The following ZHX2 variants were observed in gnomAD, a reference collection of about 807,000 sequenced individuals.
ZHX2 encodes zinc fingers and homeoboxes 2, also known as zinc fingers and homeoboxes protein 2.
Under a neutral mutation model 21.9 loss-of-function variants are expected in ZHX2, and 6 were observed. That is an observed-to-expected ratio of 0.27 (90% confidence interval 0.15 to 0.54). The LOEUF is 0.54. Among genes scored for constraint, ZHX2 ranks in the 20% least tolerant of loss-of-function variants. The probability of loss-of-function intolerance (pLI) is 0.95; values close to 1 mark genes in which losing one functional copy is unlikely to be tolerated. For synonymous variants in ZHX2, 434 were observed against 437.1 expected (o/e 0.99, Z 0.09); for missense variants, 908 against 1,090.7 (o/e 0.83, Z 2.36).
intron 3 of ZHX2, among the ~76,000 whole-genome samples, chr8:122,972,014 G>A (rs1266767485): frequency 2.0e-5 from 3 of 152,196 alleles, no homozygotes; most frequent in Non-Finnish European, 2.9e-5. Context: ...AGCTTCTGGT[G>A]TCTGCCGACA....
At chr8:122,893,815 T>C (rs963499606) in intron 2 of ZHX2, among the ~76,000 whole-genome samples, 7 of 152,270 alleles carry the variant, frequency 4.6e-5, no homozygotes, top group African/African-American at 1.7e-4. Context: ...AGACATTTTG[T>C]AGATTTCCTC....
intron 1 of ZHX2, among the ~76,000 whole-genome samples, chr8:122,854,030 C>T (rs1441229700): frequency 8.5e-5 from 13 of 152,212 alleles, no homozygotes; most frequent in Admixed American, 5.9e-4. Flanking sequence ...TACCTCTCTA[C>T]ATAGTCAGTG....
At chr8:122,790,365 T>A (rs1225641642) in intron 1 of ZHX2, among the ~76,000 whole-genome samples, 1 of 152,160 alleles carries the variant, frequency 6.6e-6, no homozygotes, top group Non-Finnish European at 1.5e-5. Flanking sequence ...GCTAGCCAGC[T>A]CATCACAGCA....
At chr8:122,881,263 G>A (rs573484096) in intron 2 of ZHX2, among the ~76,000 whole-genome samples, 2 of 152,304 alleles carry the variant, frequency 1.3e-5, no homozygotes, top group South Asian at 4.1e-4. Flanking sequence ...TAGTGAAGAT[G>A]AGAGTCTGTA....
intron 2 of ZHX2, among the ~76,000 whole-genome samples, chr8:122,929,164 A>C (rs1031095342): frequency 6.6e-6 from 1 of 152,128 alleles, no homozygotes; most frequent in African/African-American, 2.4e-5. Flanking sequence ...CGTTTTTCTA[A>C]CACCACCCGT....
intron 1 of ZHX2, among the ~76,000 whole-genome samples, chr8:122,802,652 C>G (rs993821707): frequency 6.6e-6 from 1 of 152,180 alleles, no homozygotes; most frequent in Non-Finnish European, 1.5e-5. Flanking sequence ...GATACCAAGG[C>G]AGTGGGTCTG....
chr8:122,848,228 G>A (rs117858880), intron 1 of ZHX2, among the ~76,000 whole-genome samples: 10 of 152,186 alleles, frequency 6.6e-5, no homozygotes, highest in East Asian at 3.9e-4. Flanking sequence ...GTGTGTGTGC[G>A]CCTGAAAGAG....
In ZHX2 at chr8:122,857,978, T is replaced by C. The variant is rs551230263; in HGVS notation, c.-282-5499T>C. On this transcript the variant is annotated intron_variant, in intron 1 of 3. Coordinates refer to ENST00000314393, the MANE Select transcript of ZHX2 (RefSeq NM_014943.5). ...TTTATTCCATATGACCAGCATTTTC[T>C]GCCCTTCTGAGTGAAAGGCTACTGT... 4.6e-5 allele frequency among the ~76,000 whole-genome samples: 7 copies of C among 152,392 alleles called. No homozygotes were observed. In the East Asian group the frequency reaches 1.3e-3, roughly 29 times the overall value.
At chr8:122,897,020 A>G (rs1370931118) in intron 2 of ZHX2, among the ~76,000 whole-genome samples, 3 of 152,210 alleles carry the variant, frequency 2.0e-5, no homozygotes, top group Non-Finnish European at 1.5e-5. Flanking sequence ...TACCTAGGGT[A>G]TGGGAATGCA....
chr8:122,947,572 C>T (rs114716798), intron 2 of ZHX2, among the ~76,000 whole-genome samples: 401 of 152,310 alleles, frequency 2.6e-3, no homozygotes, highest in African/African-American at 9.3e-3. Context: ...AACCACAAAA[C>T]ATCGAAGTAT....
At chr8:122,859,827 G>T (rs1292131611) in intron 1 of ZHX2, among the ~76,000 whole-genome samples, 1 of 152,074 alleles carries the variant, frequency 6.6e-6, no homozygotes. Context: ...ATTTATTTAT[G>T]TCTATCTGGT....
intron 1 of ZHX2, among the ~76,000 whole-genome samples, chr8:122,819,048 C>T (rs184844920): frequency 9.9e-5 from 15 of 152,156 alleles, no homozygotes; most frequent in African/African-American, 2.2e-4. Context: ...GAGAAGAGAA[C>T]GAAGAGAGAA....
intron 2 of ZHX2, among the ~76,000 whole-genome samples, chr8:122,899,937 A>G (rs1820188756): frequency 1.3e-5 from 2 of 152,068 alleles, no homozygotes; most frequent in Admixed American, 6.6e-5. Context: ...CCCAGTTAAA[A>G]CTCACATTAT....
intron 1 of ZHX2, among the ~76,000 whole-genome samples, chr8:122,802,988 G>A (rs989833210): frequency 1.3e-5 from 2 of 149,490 alleles, no homozygotes; most frequent in African/African-American, 4.9e-5. Flanking sequence ...AGCGCTCTAG[G>A]GGACCAGCGG....
intron 3 of ZHX2, among the ~76,000 whole-genome samples, chr8:122,967,393 C>G (rs752860937): frequency 6.6e-6 from 1 of 152,178 alleles, no homozygotes; most frequent in African/African-American, 2.4e-5. Context: ...TTCCTGAGAG[C>G]CAGACTGCAG....
chr8:122,874,186 C>T (rs930095670), intron 2 of ZHX2, among the ~76,000 whole-genome samples: 6 of 152,148 alleles, frequency 3.9e-5, no homozygotes, highest in Admixed American at 3.9e-4. Flanking sequence ...AATATTCATT[C>T]CTCTTTGCCA....
intron 2 of ZHX2, among the ~76,000 whole-genome samples, chr8:122,947,656 G>T (rs920679546): frequency 2.0e-5 from 3 of 152,212 alleles, no homozygotes; most frequent in Admixed American, 2.0e-4. Flanking sequence ...AGGAGGCATT[G>T]TTTTGCAGAG....
chr8:122,844,621 A>G (rs1202762093), intron 1 of ZHX2, among the ~76,000 whole-genome samples: 5 of 152,188 alleles, frequency 3.3e-5, no homozygotes, highest in African/African-American at 1.2e-4. Flanking sequence ...GGTCAGGGTG[A>G]GGGAAGACTT....
intron 1 of ZHX2, among the ~76,000 whole-genome samples, chr8:122,793,100 G>T (rs1225400557): frequency 2.0e-5 from 3 of 152,218 alleles, no homozygotes; most frequent in Non-Finnish European, 2.9e-5. Flanking sequence ...TCACAGGGTT[G>T]CTGTGAGAAT....
Sources: allele counts gnomAD v4.1 joint callset (sites outside exome capture counted in the v4.1 genomes callset), GRCh38; gene constraint gnomAD v4.1.1; transcripts MANE v1.5; gene names NCBI Gene and HGNC (gene_info 2026-07-23, HGNC 2026-07-21).